PLEKHA7: variants seen among roughly 807,000 people sequenced by gnomAD.
PLEKHA7 encodes pleckstrin homology domain-containing family A member 7.
Under a neutral mutation model 170.0 loss-of-function variants are expected in PLEKHA7, and 104 were observed. The ratio of observed to expected loss-of-function variants is 0.61; its 90% confidence interval spans 0.52 to 0.72. The LOEUF is 0.72. PLEKHA7 is among the 30% of genes least tolerant of loss of function. PLEKHA7 has a pLI of 0.00. For synonymous variants in PLEKHA7, 648 were observed against 660.8 expected (o/e 0.98, Z 0.30); for missense variants, 1,615 against 1,671.7 (o/e 0.97, Z 0.59).
intron 4 of PLEKHA7, among the ~76,000 whole-genome samples, chr11:16,862,879 C>T (rs564506008): frequency 6.6e-6 from 1 of 152,266 alleles, no homozygotes; most frequent in South Asian, 2.1e-4. Flanking sequence ...TTTTCTGCTA[C>T]CATGGCAACC....
At chr11:16,818,365 G>A (rs560139937) in intron 10 of PLEKHA7, among the ~76,000 whole-genome samples, 2 of 152,270 alleles carry the variant, frequency 1.3e-5, no homozygotes, top group East Asian at 1.9e-4. Context: ...CTTCACTAAC[G>A]TGTGTACCCT....
At chr11:16,823,350 C>CTTG (rs1850391162) in intron 10 of PLEKHA7, among the ~76,000 whole-genome samples, 1 of 152,122 alleles carries the variant, frequency 6.6e-6, no homozygotes, top group African/African-American at 2.4e-5. Context: ...GACCTCACCC[C>CTTG]AGATCAACTA....
intron 3 of PLEKHA7, among the ~76,000 whole-genome samples, chr11:16,961,642 A>G (rs1862066730): frequency 6.6e-6 from 1 of 152,168 alleles, no homozygotes; most frequent in Non-Finnish European, 1.5e-5. Flanking sequence ...TGGTCCTCAG[A>G]CACACCCTGG....
At chr11:16,884,217 T>C (rs1349585895) in intron 3 of PLEKHA7, among the ~76,000 whole-genome samples, 1 of 152,114 alleles carries the variant, frequency 6.6e-6, no homozygotes, top group Non-Finnish European at 1.5e-5. Context: ...CCTATCCCAA[T>C]ATGCATCAGA....
chr11:16,946,802 C>G (rs746669600), intron 3 of PLEKHA7, among the ~76,000 whole-genome samples: 4 of 152,266 alleles, frequency 2.6e-5, no homozygotes, highest in East Asian at 3.9e-4. Flanking sequence ...CCCCCTCCCC[C>G]ACAGAGACAA....
chr11:16,852,243 T>G (rs769153705), intron 7 of PLEKHA7, 40 bp downstream of exon 7: 1 of 1,586,006 alleles, frequency 6.3e-7, no homozygotes, highest in Non-Finnish European at 8.7e-7. Context: ...TATGTAAAAC[T>G]GAACACTTCG....
At chr11:16,779,231 T>C (rs530604360) in intron 26 of PLEKHA7, among the ~76,000 whole-genome samples, 16 of 149,948 alleles carry the variant, frequency 1.1e-4, no homozygotes, top group Non-Finnish European at 1.8e-4. Context: ...GCTAGACACA[T>C]GCTGGCCCCT....
At chr11:16,939,311 G>A (rs1343032152) in intron 3 of PLEKHA7, among the ~76,000 whole-genome samples, 1 of 152,206 alleles carries the variant, frequency 6.6e-6, no homozygotes, top group Admixed American at 6.5e-5. Context: ...CTACTTGGGA[G>A]GCTGAGGCAG....
intron 3 of PLEKHA7, among the ~76,000 whole-genome samples, chr11:16,950,349 C>T (rs913058595): frequency 6.6e-6 from 1 of 152,100 alleles, no homozygotes; most frequent in Non-Finnish European, 1.5e-5. Context: ...AGATCCCAAT[C>T]AGGAAGTTTC....
intron 3 of PLEKHA7, among the ~76,000 whole-genome samples, chr11:17,012,338 T>C (rs1022314610): frequency 1.3e-5 from 2 of 152,214 alleles, no homozygotes; most frequent in Non-Finnish European, 2.9e-5. Flanking sequence ...GTGCACCACA[T>C]TCCAGCCTTC....
intron 3 of PLEKHA7, among the ~76,000 whole-genome samples, chr11:16,884,008 GA>G (rs1370892429): frequency 3.8e-5 from 3 of 79,376 alleles, no homozygotes; most frequent in African/African-American, 9.0e-5. Flanking sequence ...TATCTTTTTA[GA>G]AAAAAATTCA....
intron 3 of PLEKHA7, among the ~76,000 whole-genome samples, chr11:16,980,767 CA>C (rs967380699): frequency 1.3e-5 from 2 of 151,902 alleles, no homozygotes; most frequent in African/African-American, 4.8e-5. Flanking sequence ...ACTAAAAATA[CA>C]AAAAAATTAG....
intron 17 of PLEKHA7, among the ~76,000 whole-genome samples, chr11:16,796,832 T>C (rs1183695073): frequency 6.6e-6 from 1 of 152,124 alleles, no homozygotes; most frequent in Non-Finnish European, 1.5e-5. Context: ...GTTTTTCTTT[T>C]TCTTTTTCAG....
chr11:16,838,282 AG>A (rs1245345774), intron 9 of PLEKHA7, among the ~76,000 whole-genome samples: 5 of 152,134 alleles, frequency 3.3e-5, no homozygotes, highest in Non-Finnish European at 7.4e-5. Context: ...CTGAGCTAGG[AG>A]GATTGCTTGA....
chr11:16,927,471 C>T (rs975155998), intron 3 of PLEKHA7, among the ~76,000 whole-genome samples: 1 of 152,158 alleles, frequency 6.6e-6, no homozygotes, highest in African/African-American at 2.4e-5. Context: ...TCCCCACCCT[C>T]CCCCACAACC....
At chr11:16,890,442 AAAAAAATATTCCATGC>A (rs1856536737) in intron 3 of PLEKHA7, among the ~76,000 whole-genome samples, 1 of 152,234 alleles carries the variant, frequency 6.6e-6, no homozygotes, top group Non-Finnish European at 1.5e-5. Flanking sequence ...AAAGGACTGG[AAAAAAATATTCCATGC>A]AAACAGAAAC....
intron 3 of PLEKHA7, among the ~76,000 whole-genome samples, chr11:16,990,059 GT>G (rs1417750837): frequency 6.6e-6 from 1 of 151,938 alleles, no homozygotes; most frequent in East Asian, 1.9e-4. Context: ...GGCTGGGTTG[GT>G]CCCTGGTGAC....
At chr11:16,924,984 T>C (rs897533469) in intron 3 of PLEKHA7, among the ~76,000 whole-genome samples, 2 of 152,158 alleles carry the variant, frequency 1.3e-5, no homozygotes, top group African/African-American at 4.8e-5. Context: ...ACCAGAGCTG[T>C]CACAGGCGAG....
At chr11:16,908,323 TCC>T (rs1565102607) in intron 3 of PLEKHA7, among the ~76,000 whole-genome samples, 1 of 148,020 alleles carries the variant, frequency 6.8e-6, no homozygotes, top group Non-Finnish European at 1.5e-5. Context: ...TGGATCCTCA[TCC>T]AATATGACTG....
Sources: allele counts gnomAD v4.1 joint callset (sites outside exome capture counted in the v4.1 genomes callset), GRCh38; gene constraint gnomAD v4.1.1; transcripts MANE v1.5; gene names NCBI Gene and HGNC (gene_info 2026-07-23, HGNC 2026-07-21).